Variants in SAMMSON observed in about 807,000 individuals in gnomAD.
The protein encoded by SAMMSON is survival associated mitochondrial melanoma specific oncogenic non-coding RNA.
chr3:70,340,688 T>A (rs1166196624), intron 7 of SAMMSON, among the ~76,000 whole-genome samples: 1 of 152,132 alleles, frequency 6.6e-6, no homozygotes, highest in Admixed American at 6.6e-5. Flanking sequence ...TCCATACCTG[T>A]TGTCACGATT....
chr3:70,392,668 C>A (rs1323631275), downstream of SAMMSON, among the ~76,000 whole-genome samples: 10 of 152,082 alleles, frequency 6.6e-5, no homozygotes, highest in Admixed American at 6.6e-4. Flanking sequence ...CAGCCTCTAC[C>A]ATCGACTTTG....
chr3:70,045,159 A>C lies in SAMMSON; in HGVS notation n.418-26317A>C, dbSNP rs530350615. On this transcript the variant is annotated intron_variant and non_coding_transcript_variant, in intron 3 of 9. Transcript: ENST00000642114. Reference sequence around the variant, plus strand: ...TTATAATTTATATATATTAATTATAATATATTATAATTTATATATATCGTT... The same window carrying C: ...TTATAATTTATATATATTAATTATACTATATTATAATTTATATATATCGTT... Among the ~76,000 whole-genome samples the C allele has an allele frequency of 2.8e-3, 370 of 131,746 alleles. 10 individuals carry two copies. In the Admixed American group the frequency reaches 0.028, roughly 10 times the overall value. The allele number at this position is 131,746 out of a possible 152,430, so 86.4% of individuals were successfully genotyped here. A position where few individuals can be genotyped will look rare whatever the true frequency, so the allele number is the denominator to read the frequency against.
chr3:70,115,754 T>C (rs150285467), intron 4 of SAMMSON, among the ~76,000 whole-genome samples: 677 of 152,238 alleles, frequency 4.4e-3, no homozygotes, highest in Non-Finnish European at 7.6e-3. Flanking sequence ...TAGTTTCTCA[T>C]TGAAATGAAT....
Position 70,044,423 on chromosome 3 carries a change from C to T in SAMMSON, n.418-27053C>T, listed in dbSNP as rs147553894. On this transcript the variant is annotated intron_variant and non_coding_transcript_variant, in intron 3 of 9. Coordinates refer to ENST00000642114, the Ensembl canonical transcript of SAMMSON. ...ACACTATGCAATGTGCTTAACATTC[C>T]GATGATTATAGTGGTATGTACCTAG... is the stretch of plus-strand genomic sequence containing the variant. 7.5e-4 allele frequency among the ~76,000 whole-genome samples: 114 copies of T among 151,896 alleles called. 1 individual carries two copies. The highest frequency in any genetic ancestry group is 2.6e-3 in the African/African-American group (107 of 41,448).
chr3:70,238,700 C>T (rs1369629719), intron 4 of SAMMSON, among the ~76,000 whole-genome samples: 1 of 151,998 alleles, frequency 6.6e-6, no homozygotes, highest in Non-Finnish European at 1.5e-5. Context: ...GCCACAGGGA[C>T]AAATTCCAAA....
intron 6 of SAMMSON, among the ~76,000 whole-genome samples, chr3:70,270,300 G>T (rs1305151573): frequency 6.6e-6 from 1 of 152,038 alleles, no homozygotes; most frequent in African/African-American, 2.4e-5. Flanking sequence ...TTCAAAGCAT[G>T]GGAAATAAAT....
At chr3:70,157,312 A>G (rs1169740972) in intron 4 of SAMMSON, among the ~76,000 whole-genome samples, 2 of 152,120 alleles carry the variant, frequency 1.3e-5, no homozygotes, top group South Asian at 2.1e-4. Context: ...TAAAAGTTAC[A>G]CCTGAGCTGA....
chr3:70,046,917 A>T (rs1378601382), intron 3 of SAMMSON, among the ~76,000 whole-genome samples: 1 of 151,968 alleles, frequency 6.6e-6, no homozygotes, highest in Non-Finnish European at 1.5e-5. Flanking sequence ...CTCTGACATC[A>T]TCAGGGAAAG....
chr3:70,212,081 A>G (rs1345284942), intron 4 of SAMMSON, among the ~76,000 whole-genome samples: 1 of 151,986 alleles, frequency 6.6e-6, no homozygotes, highest in Non-Finnish European at 1.5e-5. Flanking sequence ...CCACACTCAC[A>G]TCGTCATTGA....
intron 4 of SAMMSON, among the ~76,000 whole-genome samples, chr3:70,134,110 A>AT (rs71626389): frequency 5.3e-5 from 8 of 149,802 alleles, no homozygotes; most frequent in Non-Finnish European, 1.2e-4. Context: ...AAAAAAAAAA[A>AT]TTAGCTGGGC....
intron 4 of SAMMSON, among the ~76,000 whole-genome samples, chr3:70,230,095 T>G (rs900322097): frequency 1.2e-4 from 18 of 152,080 alleles, no homozygotes; most frequent in Non-Finnish European, 2.9e-5. Flanking sequence ...GCTCAGGGAG[T>G]TGGAAATATT....
At chr3:70,229,754 C>A (rs1701540984) in intron 4 of SAMMSON, among the ~76,000 whole-genome samples, 1 of 152,082 alleles carries the variant, frequency 6.6e-6, no homozygotes, top group South Asian at 2.1e-4. Context: ...GGAAAGCAAC[C>A]TAGGGATATC....
At chr3:70,272,226 A>G (rs943599548) in intron 6 of SAMMSON, 1 of 152,240 alleles carries the variant, frequency 6.6e-6, no homozygotes, top group African/African-American at 2.4e-5. Flanking sequence ...CACCATCACA[A>G]TTAAAATGAA....
At chr3:70,249,624 T>C (rs1701740824) in exon 6 of SAMMSON, 1 of 152,124 alleles carries the variant, frequency 6.6e-6, no homozygotes, top group East Asian at 1.9e-4. Flanking sequence ...GAAAGAAATG[T>C]AATGTTTTGG....
chr3:70,415,823 A>G (rs779226026), intron 2 of SAMMSON, among the ~76,000 whole-genome samples: 10 of 152,198 alleles, frequency 6.6e-5, no homozygotes, highest in Non-Finnish European at 1.5e-4. Flanking sequence ...ATGTTGTTAA[A>G]TGTTGGACAC....
intron 4 of SAMMSON, among the ~76,000 whole-genome samples, chr3:70,155,367 G>T (rs2067587943): frequency 6.6e-6 from 1 of 152,002 alleles, no homozygotes; most frequent in Non-Finnish European, 1.5e-5. Flanking sequence ...TTAGAACTGG[G>T]CCATAATGGA....
At chr3:70,074,200 TG>T (rs1227384924) in intron 4 of SAMMSON, among the ~76,000 whole-genome samples, 1 of 152,080 alleles carries the variant, frequency 6.6e-6, no homozygotes, top group East Asian at 1.9e-4. Flanking sequence ...CAAAAGCTGT[TG>T]TTTTTGAATG....
At chr3:70,124,168 A>C (rs1235340022) in intron 4 of SAMMSON, among the ~76,000 whole-genome samples, 1 of 152,200 alleles carries the variant, frequency 6.6e-6, no homozygotes, top group Non-Finnish European at 1.5e-5. Flanking sequence ...ACTTTGTCTT[A>C]TCCCCTACCA....
downstream of SAMMSON, among the ~76,000 whole-genome samples, chr3:70,393,932 G>C (rs898413772): frequency 3.3e-5 from 5 of 152,276 alleles, no homozygotes; most frequent in African/African-American, 1.2e-4. Context: ...TTTTTAAAAA[G>C]ACGACTTTGG....
Sources: allele counts gnomAD v4.1 joint callset (sites outside exome capture counted in the v4.1 genomes callset), GRCh38; gene constraint gnomAD v4.1.1; transcripts MANE v1.5; gene names NCBI Gene and HGNC (gene_info 2026-07-23, HGNC 2026-07-21).